Variants in CNNM4 observed in about 807,000 individuals in gnomAD.
CNNM4 encodes cyclin and CBS domain divalent metal cation transport mediator 4, also known as metal transporter CNNM4.
A neutral mutation model predicts 53.7 loss-of-function variants in CNNM4; 32 were observed. That is an observed-to-expected ratio of 0.60 (90% confidence interval 0.45 to 0.80). The LOEUF is 0.80. Ranked by LOEUF, CNNM4 falls within the 30% of genes least tolerant of loss-of-function variation. The pLI, the probability that CNNM4 is intolerant of heterozygous loss-of-function variation, is 0.00. For synonymous variants in CNNM4, 410 were observed against 440.0 expected, an observed-to-expected ratio of 0.93 and a Z score of 0.85; for missense variants, 784 against 1,022.0, an observed-to-expected ratio of 0.77 and a Z score of 3.17.
In CNNM4 at chr2:96,799,202, C is replaced by G. The variant is rs769616626; in HGVS notation, c.1827C>G (p.Ala609=). Residue 609 remains alanine (A), a synonymous_variant, in exon 4 of 7, where the codon GCC becomes GCG. Coordinates refer to ENST00000377075, the MANE Select transcript of CNNM4 (RefSeq NM_020184.4). ...ACCTGTACACCCGAAATAAGCCGGC[C>G]GACTACTTCATCCTCATCCTGCAGG... ...RHYLYTRNKP[A]DYFILILQGK... is the part of the protein sequence containing the mutation. The G allele has an allele frequency of 2.5e-6, 4 of 1,614,188 alleles. No homozygotes were observed. Among genetic ancestry groups the G allele is most frequent in the Non-Finnish European group, 3.4e-6 (4 of 1,180,028 alleles).
chr2:96,763,395 T>G (rs2078783191), intron 1 of CNNM4, among the ~76,000 whole-genome samples: 1 of 152,128 alleles, frequency 6.6e-6, no homozygotes, highest in Non-Finnish European at 1.5e-5. Context: ...ACAAGCCAAT[T>G]ATGGAGTGGA....
In CNNM4 at chr2:96,800,873, GC is replaced by G. The variant is rs145422651; in HGVS notation, c.1948+1227del. On this transcript the variant is annotated intron_variant, in intron 5 of 6. Transcript: ENST00000377075. The surrounding 1 kb of genome is among the most constrained non-coding windows in gnomAD (Gnocchi z 4.6). Reference sequence around the variant, plus strand: ...GAGGGGAGATGACTGGGCACACTCAGCCAGCTTCTGCCTGTCTCCGCACAGG... The same window carrying G: ...GAGGGGAGATGACTGGGCACACTCAGCAGCTTCTGCCTGTCTCCGCACAGG... Among the ~76,000 whole-genome samples, 14,276 of 152,212 alleles carry G rather than the reference GC, an allele frequency of 0.094. 2,224 individuals carry two copies. The highest frequency in any genetic ancestry group is 0.32 in the African/African-American group (13,424 of 41,474).
At chr2:96,790,152 G>A (rs1230544387) in intron 1 of CNNM4, among the ~76,000 whole-genome samples, 7 of 144,024 alleles carry the variant, frequency 4.9e-5, no homozygotes, top group Admixed American at 2.1e-4. Flanking sequence ...GACTACAGGC[G>A]TCCACCACCT....
chr2:96,799,671 T>C, intron 5 of CNNM4, 23 bp downstream of exon 5: 1 of 1,521,088 alleles, frequency 6.6e-7, no homozygotes, highest in African/African-American at 1.4e-5. Context: ...GCATGGTCTT[T>C]GCTGCCCTTT....
At chr2:96,772,290 C>T (rs2078880419) in intron 1 of CNNM4, among the ~76,000 whole-genome samples, 2 of 146,242 alleles carry the variant, frequency 1.4e-5, no homozygotes, top group South Asian at 4.4e-4. Context: ...CATACCCCCA[C>T]ATAGGCACAG....
chr2:96,804,046 G>A (rs1468903227), intron 5 of CNNM4, among the ~76,000 whole-genome samples: 4 of 151,714 alleles, frequency 2.6e-5, no homozygotes, highest in Non-Finnish European at 5.9e-5. Context: ...CTACAGGCAG[G>A]TGCCACCATG....
Position 96,763,709 on chromosome 2 carries a change from A to G in CNNM4, c.1402+1308A>G, listed in dbSNP as rs1024591495. 5.3e-5 allele frequency among the ~76,000 whole-genome samples: 8 copies of G among 152,202 alleles called. No homozygotes were observed. The East Asian group carries it at 1.5e-3, about 29-fold the overall frequency. ...TTTGGTCTGAAAAGATGCTGGGGTC[A>G]GGGCCAGGGTGGTGGGTTGGTACCC... On this transcript the variant is annotated intron_variant, in intron 1 of 6. Transcript: ENST00000377075.
chr2:96,778,044 T>C (rs1004710797), intron 1 of CNNM4, among the ~76,000 whole-genome samples: 4 of 151,238 alleles, frequency 2.6e-5, no homozygotes, highest in African/African-American at 9.7e-5. Flanking sequence ...TTTTTGTATA[T>C]TTTGTAGAGG....
chr2:96,768,015 A>G (rs984048735), intron 1 of CNNM4, among the ~76,000 whole-genome samples: 48 of 152,182 alleles, frequency 3.2e-4, no homozygotes, highest in African/African-American at 1.1e-3. Flanking sequence ...GTGAGCTGAG[A>G]TTGCACCACT....
chr2:96,793,920 A>G (rs555245009), intron 1 of CNNM4, among the ~76,000 whole-genome samples: 3 of 152,074 alleles, frequency 2.0e-5, no homozygotes, highest in South Asian at 2.1e-4. Flanking sequence ...GTACCACTGT[A>G]CTCCAGCCTG....
chr2:96,806,080 G>C (rs182390914), intron 5 of CNNM4, among the ~76,000 whole-genome samples: 1 of 140,620 alleles, frequency 7.1e-6, no homozygotes, highest in Non-Finnish European at 1.5e-5. Context: ...CAGGGGGGCT[G>C]ACCCCCCCCA....
chr2:96,803,482 T>C (rs1271936669), intron 5 of CNNM4, among the ~76,000 whole-genome samples: 1 of 152,136 alleles, frequency 6.6e-6, no homozygotes, highest in Non-Finnish European at 1.5e-5. Context: ...CCCAACACTT[T>C]GGGAGGCCGA....
intron 4 of CNNM4, 67 bp from the exon 5 acceptor site, chr2:96,799,485 C>G: frequency 7.1e-7 from 1 of 1,405,140 alleles, no homozygotes; most frequent in South Asian, 1.2e-5. Flanking sequence ...TTCCTCACTC[C>G]CCATCCTGCC....
Position 96,761,918 on chromosome 2 carries a change from A to T in CNNM4, c.919A>T (p.Lys307Ter). 1 of 1,614,084 alleles carries T rather than the reference A, an allele frequency of 6.2e-7. No individual in the cohort carries two copies. Among genetic ancestry groups the T allele is most frequent in the Non-Finnish European group, 8.5e-7 (1 of 1,180,002 alleles). ...AVGANTILLT[K>*]FFMLLTFPLS... is the part of the protein sequence containing the mutation. ...GGGTGCCAACACCATCCTTCTCACC[A>T]AATTCTTTATGCTACTCACCTTCCC... Residue 307 changes from lysine to a stop codon, truncating the protein, a stop_gained, in exon 1 of 7, where the codon AAA (lysine) becomes TAA (stop). Coordinates refer to ENST00000377075, the MANE Select transcript of CNNM4 (RefSeq NM_020184.4). LOFTEE classifies it high-confidence loss of function. The surrounding 1 kb of genome is among the most constrained non-coding windows in gnomAD (Gnocchi z 6.0).
intron 1 of CNNM4, among the ~76,000 whole-genome samples, chr2:96,763,580 GAGGGACTTCGGAATCCTAGC>G (rs1335652141): frequency 1.3e-5 from 2 of 152,192 alleles, no homozygotes; most frequent in African/African-American, 4.8e-5. Flanking sequence ...CTAGGGCTTG[GAGGGACTTCGGAATCCTAGC>G]AGGGAGTGAG....
At chr2:96,776,522 A>T (rs2078925869) in intron 1 of CNNM4, among the ~76,000 whole-genome samples, 1 of 152,202 alleles carries the variant, frequency 6.6e-6, no homozygotes, top group Non-Finnish European at 1.5e-5. Context: ...AAAATTGACT[A>T]ATGTTAACCA....
chr2:96,782,924 C>T (rs1034640529), intron 1 of CNNM4, among the ~76,000 whole-genome samples: 4 of 151,922 alleles, frequency 2.6e-5, no homozygotes, highest in East Asian at 1.9e-4. Flanking sequence ...TAGTGGTCCA[C>T]GCTGGGAATG....
At chr2:96,796,868 A>G in intron 1 of CNNM4, 144 bp from the exon 2 acceptor site, 1 of 794,036 alleles carries the variant, frequency 1.3e-6, no homozygotes, top group African/African-American at 1.7e-5. Flanking sequence ...TGCAGTAGAA[A>G]CGTCAGGAAA....
chr2:96,775,871 G>T (rs1338779146), intron 1 of CNNM4, among the ~76,000 whole-genome samples: 1 of 149,316 alleles, frequency 6.7e-6, no homozygotes, highest in Non-Finnish European at 1.5e-5. Context: ...GACCACAGGT[G>T]TGGGCCACCA....
Sources: allele counts gnomAD v4.1 joint callset (sites outside exome capture counted in the v4.1 genomes callset), GRCh38; gene constraint gnomAD v4.1.1; non-coding constraint Gnocchi (gnomAD v3.1); transcripts MANE v1.5; gene names NCBI Gene and HGNC (gene_info 2026-07-23, HGNC 2026-07-21).